Variants in TMEM232 observed in about 807,000 individuals in gnomAD.
TMEM232 encodes transmembrane protein 232.
Under a neutral mutation model 78.8 loss-of-function variants are expected in TMEM232, and 80 were observed. That is an observed-to-expected ratio of 1.01 (90% CI 0.85 to 1.22). The LOEUF is 1.22. TMEM232 is among the 50% of genes most tolerant of loss of function. TMEM232 has a pLI of 0.00. For synonymous variants in TMEM232, 297 were observed against 254.3 expected (o/e 1.17, Z -1.60); for missense variants, 881 against 742.2 (o/e 1.19, Z -2.17).
chr5:110,535,856 C>T (rs1474436777), intron 11 of TMEM232, among the ~76,000 whole-genome samples: 1 of 152,166 alleles, frequency 6.6e-6, no homozygotes, highest in African/African-American at 2.4e-5. Context: ...AGCCGATTCT[C>T]ACTGGCTTCC....
At chr5:110,537,071 G>T (rs1772459833) in intron 11 of TMEM232, among the ~76,000 whole-genome samples, 1 of 151,988 alleles carries the variant, frequency 6.6e-6, no homozygotes, top group Non-Finnish European at 1.5e-5. Flanking sequence ...AATTTTTCCA[G>T]GATGCCTCAA....
At chr5:110,536,567 G>A (rs1292302999) in intron 11 of TMEM232, among the ~76,000 whole-genome samples, 1 of 152,130 alleles carries the variant, frequency 6.6e-6, no homozygotes, top group African/African-American at 2.4e-5. Flanking sequence ...GACACAATTG[G>A]CAGCAACAGC....
rs1343737026 is a variant in TMEM232, at chr5:110,518,987, G to T, written c.1703+9601C>A. ...TTTAGCATCTAGCTAAACTAGCTAA[G>T]GTGAATAAAAAGAAAAAAATTCAAA... On this transcript the variant is annotated intron_variant, in intron 12 of 13. Coordinates refer to ENST00000455884, the MANE Select transcript of TMEM232 (RefSeq NM_001039763.4). 2.0e-5 allele frequency among the ~76,000 whole-genome samples: 3 copies of T among 149,894 alleles called. No homozygotes were observed. The South Asian group carries it at 6.4e-4, about 32-fold the overall frequency.
Position 110,424,913 on chromosome 5 carries a change from T to A in TMEM232, c.1707A>T (p.Glu569Asp), listed in dbSNP as rs187747768. The change falls in exon 13 of 14, where the codon GAA becomes GAT. Residue 569 changes from glutamate (E) to aspartate (D), a missense_variant. By Grantham distance (45) the Glu-to-Asp change is conservative. Coordinates refer to ENST00000455884, the MANE Select transcript of TMEM232 (RefSeq NM_001039763.4). ...KKQVLHFTVR[E>D]HPSVSEIPMF... ...TGGGAATTTCTGATACAGAAGGATG[T>A]TCCCTTCAAAAGAGCACAAGAACAA... 6.5e-7 allele frequency: 1 copy of A among 1,549,390 alleles called. No homozygotes were observed. The highest frequency in any genetic ancestry group is 1.4e-5 in the African/African-American group (1 of 73,072).
At chr5:110,715,348 A>C (rs1167358065) in intron 1 of TMEM232, among the ~76,000 whole-genome samples, 1 of 152,188 alleles carries the variant, frequency 6.6e-6, no homozygotes, top group African/African-American at 2.4e-5. Flanking sequence ...AAAGCAAGCA[A>C]AAGTATAGAG....
chr5:110,516,412 A>C (rs1449124389), intron 12 of TMEM232, among the ~76,000 whole-genome samples: 1 of 152,182 alleles, frequency 6.6e-6, no homozygotes, highest in African/African-American at 2.4e-5. Context: ...AACAAAGTAT[A>C]GATGTGGGAA....
At chr5:110,654,863 C>T (rs760714727) in intron 2 of TMEM232, among the ~76,000 whole-genome samples, 2 of 152,128 alleles carry the variant, frequency 1.3e-5, no homozygotes, top group Admixed American at 6.6e-5. Flanking sequence ...AGGCCCTTCA[C>T]GTCCCTTGTA....
At chr5:110,414,678 T>A (rs1034153244), downstream of TMEM232, among the ~76,000 whole-genome samples, 9 of 152,220 alleles carry the variant, frequency 5.9e-5, no homozygotes, top group African/African-American at 2.2e-4. Flanking sequence ...TTTTAAATAT[T>A]AATTTGCTTT....
At chr5:110,726,180 A>T (rs116710081) in intron 1 of TMEM232, among the ~76,000 whole-genome samples, 2,897 of 151,926 alleles carry the variant, frequency 0.019, 88 homozygotes, top group African/African-American at 0.067. Context: ...GAAGTCCAAG[A>T]GTCTTCATAC....
chr5:110,394,782 G>C (rs1205608257), intron 3 of TMEM232, among the ~76,000 whole-genome samples: 1 of 152,022 alleles, frequency 6.6e-6, no homozygotes. Context: ...CATGTGTGCT[G>C]GTTTGCTAGA....
At chr5:110,713,412 T>G (rs2150321039) in intron 1 of TMEM232, among the ~76,000 whole-genome samples, 1 of 152,274 alleles carries the variant, frequency 6.6e-6, no homozygotes, top group East Asian at 1.9e-4. Flanking sequence ...ATAATTGGAT[T>G]GTTTATAACT....
At chr5:110,662,619 G>A (rs542621643) in intron 2 of TMEM232, among the ~76,000 whole-genome samples, 1 of 152,190 alleles carries the variant, frequency 6.6e-6, no homozygotes, top group South Asian at 2.1e-4. Context: ...AGGCAGTGTG[G>A]CGTTGGTGTG....
intron 2 of TMEM232, among the ~76,000 whole-genome samples, chr5:110,732,262 T>G (rs1363089952): frequency 1.3e-5 from 2 of 152,336 alleles, no homozygotes; most frequent in South Asian, 4.1e-4. Context: ...CATATTTTCC[T>G]GTCTTCTTCT....
At chr5:110,640,796 C>T in intron 4 of TMEM232, 95 bp downstream of exon 4, 1 of 818,636 alleles carries the variant, frequency 1.2e-6, no homozygotes, top group East Asian at 3.4e-5. Context: ...TTCTTGTCTT[C>T]TGCACAATTT....
intron 5 of TMEM232, among the ~76,000 whole-genome samples, chr5:110,629,565 G>T (rs1784855965): frequency 6.6e-6 from 1 of 151,862 alleles, no homozygotes. Flanking sequence ...TTTAATTTCT[G>T]CTTGTCAGTT....
At chr5:110,474,019 T>C (rs887451573) in intron 12 of TMEM232, among the ~76,000 whole-genome samples, 3 of 149,928 alleles carry the variant, frequency 2.0e-5, no homozygotes, top group Admixed American at 6.7e-5. Flanking sequence ...GAGAGGTTGA[T>C]CAATAGGTAC....
intron 10 of TMEM232, among the ~76,000 whole-genome samples, chr5:110,603,792 C>T (rs988177973): frequency 4.6e-5 from 7 of 152,056 alleles, no homozygotes; most frequent in Non-Finnish European, 1.0e-4. Context: ...ACACTAATTA[C>T]ACTCAGAAGC....
intron 1 of TMEM232, among the ~76,000 whole-genome samples, chr5:110,693,772 C>T (rs1325336688): frequency 2.6e-5 from 4 of 152,000 alleles, no homozygotes; most frequent in Non-Finnish European, 5.9e-5. Context: ...TAAAAAGAAA[C>T]AAACAAAGCC....
At chr5:110,410,496 T>C (rs543317611) in intron 2 of TMEM232, among the ~76,000 whole-genome samples, 55 of 152,308 alleles carry the variant, frequency 3.6e-4, no homozygotes, top group African/African-American at 1.3e-3. Flanking sequence ...ACTGATATAA[T>C]ATTTTTTCCT....
Sources: allele counts gnomAD v4.1 joint callset (sites outside exome capture counted in the v4.1 genomes callset), GRCh38; gene constraint gnomAD v4.1.1; transcripts MANE v1.5; gene names NCBI Gene and HGNC (gene_info 2026-07-23, HGNC 2026-07-21).